TAB1: variants seen among roughly 807,000 people sequenced by gnomAD.
TAB1 encodes TGF-beta-activated kinase 1 and MAP3K7-binding protein 1.
In TAB1, 30 loss-of-function variants were observed where a neutral mutation model predicts 54.5. The ratio of observed to expected loss-of-function variants is 0.55; its 90% CI spans 0.41 to 0.75. The LOEUF (loss-of-function observed/expected upper bound fraction) is 0.75. Ranked by LOEUF, TAB1 falls within the 30% of genes least tolerant of loss-of-function variation. The pLI is 0.00. For synonymous variants in TAB1, 289 were observed against 286.9 expected, an observed-to-expected ratio of 1.01 and a Z score of -0.07; for missense variants, 609 against 683.2, an observed-to-expected ratio of 0.89 and a Z score of 1.21.
downstream of TAB1, chr22:39,432,947 G>A (rs1207741825): frequency 4.1e-6 from 4 of 985,328 alleles, no homozygotes; most frequent in Non-Finnish European, 4.8e-6. Context: ...TCAAGGTAAG[G>A]AAAGTGAATG....
chr22:39,414,538 C>T (rs1484851048), intron 1 of TAB1, among the ~76,000 whole-genome samples: 1 of 151,806 alleles, frequency 6.6e-6, no homozygotes, highest in Non-Finnish European at 1.5e-5. Context: ...GGGGAGCGGC[C>T]TGCACTGCAG....
At chr22:39,402,794 C>T (rs561624810) in intron 1 of TAB1, among the ~76,000 whole-genome samples, 10 of 152,264 alleles carry the variant, frequency 6.6e-5, no homozygotes, top group South Asian at 6.2e-4. Flanking sequence ...TCAAGCAATC[C>T]GCCTGCCTGG....
In TAB1 at chr22:39,430,466, T is replaced by G. The variant is rs1927539122; in HGVS notation, c.*244T>G. 7.2e-7 allele frequency: 1 copy of G among 1,395,552 alleles called. No homozygotes were observed. The highest frequency in any genetic ancestry group is 9.3e-7 in the Non-Finnish European group (1 of 1,073,570). The allele number at this position is 1,395,552 out of a possible 1,614,324, so 86.4% of individuals were successfully genotyped here. A position where few individuals can be genotyped will look rare whatever the true frequency, so the allele number is the denominator to read the frequency against. On this transcript the variant is annotated 3_prime_UTR_variant, in exon 11 of 11. Transcript: ENST00000216160. ...TCCCAGATGGCCTCAGCCAGGACCA[T>G]CGCCCTTTCTCAGAGCAGAGGGCCA... is the stretch of plus-strand genomic sequence containing the variant.
intron 8 of TAB1, among the ~76,000 whole-genome samples, chr22:39,425,257 G>A (rs556033292): frequency 1.4e-3 from 209 of 151,822 alleles, no homozygotes; most frequent in African/African-American, 4.8e-3. Flanking sequence ...AGTGACGCAC[G>A]CCTGTAATCC....
In TAB1 at chr22:39,415,187, G is replaced by T; in HGVS notation, c.170+45G>T. On this transcript the variant is annotated intron_variant, in intron 2 of 10. Transcript: ENST00000216160. This position sits in a 1 kb window ranked among gnomAD's most constrained non-coding sequence, Gnocchi z 4.9. ...TGTGTTGGGCCCGGGGAGTTGGTTG[G>T]TTTGCAAGCAAGGAAAGACACCGAC... 6.5e-7 allele frequency: 1 copy of T among 1,533,380 alleles called. No individual in the cohort carries two copies. The highest frequency in any genetic ancestry group is 8.8e-7 in the Non-Finnish European group (1 of 1,137,808). 95.0% of individuals were successfully genotyped at this position (1,533,380 alleles called of 1,614,324 possible).
At chr22:39,404,875 G>A (rs1324680132) in intron 1 of TAB1, among the ~76,000 whole-genome samples, 1 of 152,146 alleles carries the variant, frequency 6.6e-6, no homozygotes, top group African/African-American at 2.4e-5. Flanking sequence ...AGAAGTGGGG[G>A]CCAGGAGTGG....
intron 9 of TAB1, among the ~76,000 whole-genome samples, 180 bp from the exon 10 acceptor site, chr22:39,427,841 A>G (rs1268278705): frequency 2.0e-5 from 3 of 151,868 alleles, no homozygotes; most frequent in Non-Finnish European, 4.4e-5. Context: ...GACAAGGGAC[A>G]CTCCTCCTGA....
chr22:39,433,968 C>T (rs5750823), downstream of TAB1: 209,912 of 296,146 alleles, frequency 0.71, 75,489 homozygotes, highest in East Asian at 0.95. Flanking sequence ...GCCTGCTCCA[C>T]GGGAGCAAGG....
intron 6 of TAB1, among the ~76,000 whole-genome samples, 187 bp downstream of exon 6, chr22:39,419,032 T>C (rs527324971): frequency 3.9e-5 from 6 of 152,316 alleles, no homozygotes. Flanking sequence ...TTTCTGTGCC[T>C]CAGATCCCCC....
rs1476575278 is a variant in TAB1, at chr22:39,415,562, A to C, written c.233A>C (p.Asn78Thr). Residue 78 changes from asparagine to threonine, a missense_variant, in exon 3 of 11, where the codon AAC (asparagine) becomes ACC (threonine). Asn to Thr is a moderately conservative substitution (Grantham distance 65, BLOSUM62 0). Coordinates refer to ENST00000216160, the MANE Select transcript of TAB1 (RefSeq NM_006116.3). This position sits in a 1 kb window ranked among gnomAD's most constrained non-coding sequence, Gnocchi z 4.9. The part of the protein sequence containing the change: ...FNGYDGNRVT[N>T]FVAQRLSAEL... The stretch of plus-strand genomic sequence containing the variant: ...GGCTATGATGGCAACCGAGTGACCA[A>C]CTTCGTGGCCCAGCGGCTGTCCGCA... 5 of 1,614,168 alleles carry C rather than the reference A, an allele frequency of 3.1e-6. No homozygotes were observed. Among genetic ancestry groups the C allele is most frequent in the Non-Finnish European group, 4.2e-6 (5 of 1,180,026 alleles).
At chr22:39,422,065 G>A in intron 8 of TAB1, 94 bp downstream of exon 8, 1 of 1,192,850 alleles carries the variant, frequency 8.4e-7, no homozygotes. Context: ...GATTCTCGGA[G>A]GCCGTCACCA....
chr22:39,413,873 A>G (rs1253071319), intron 1 of TAB1, among the ~76,000 whole-genome samples: 1 of 152,174 alleles, frequency 6.6e-6, no homozygotes, highest in African/African-American at 2.4e-5. Flanking sequence ...GCTTTCAGGG[A>G]GAGGCAGGGA....
chr22:39,432,597 C>A, downstream of TAB1: 1 of 291,208 alleles, frequency 3.4e-6, no homozygotes. Flanking sequence ...TGAGGACCAC[C>A]ATGGCCCCTG....
At chr22:39,436,990 A>G (rs1430833434), downstream of TAB1, 1 of 169,184 alleles carries the variant, frequency 5.9e-6, no homozygotes, top group Non-Finnish European at 1.3e-5. Context: ...GTGGCCCGAG[A>G]TGTGGGTGGC....
At chr22:39,420,775 C>CTCTGTGTGTG (rs1555950643) in intron 7 of TAB1, among the ~76,000 whole-genome samples, 21 of 71,812 alleles carry the variant, frequency 2.9e-4, no homozygotes, top group African/African-American at 1.0e-3. Flanking sequence ...CACGGTGTCT[C>CTCTGTGTGTG]TGTGTGTGTG....
At position 39,420,882 on chromosome 22, in the gene TAB1, CTGTGTGTGTGTGTGTGTGTGTGTGTG is replaced by C. The variant is rs3043618; in HGVS notation, c.777-925_777-900del. Among the ~76,000 whole-genome samples, 6 of 14,388 alleles carry C rather than the reference CTGTGTGTGTGTGTGTGTGTGTGTGTG, an allele frequency of 4.2e-4. 1 individual carries two copies. In the South Asian group the frequency reaches 0.015, roughly 36 times the overall value. The allele number at this position is 14,388 out of a possible 152,430, so 9.4% of individuals were successfully genotyped here. On this transcript the variant is annotated intron_variant, in intron 7 of 10. Transcript: ENST00000216160. ...CACCCAGGTGCTGGGGTGTCTCTCT[CTGTGTGTGTGTGTGTGTGTGTGTGTG>C]TGTGTGTGTGTGTGTGTGTTTGTCC...
chr22:39,409,746 C>T lies in TAB1; in HGVS notation c.34-5260C>T, dbSNP rs35676238. 2.3e-3 allele frequency among the ~76,000 whole-genome samples: 348 copies of T among 152,288 alleles called. 2 individuals are homozygous for T. The highest frequency in any genetic ancestry group is 7.2e-3 in the African/African-American group (300 of 41,548). On this transcript the variant is annotated intron_variant, in intron 1 of 10. Coordinates refer to ENST00000216160, the MANE Select transcript of TAB1 (RefSeq NM_006116.3). ...ATCTAGAGGCCCCCACCGCCCATCACGCTGTGTCCCATTACCATGGTGTGT... is the reference window on the plus strand; with the variant it reads ...ATCTAGAGGCCCCCACCGCCCATCATGCTGTGTCCCATTACCATGGTGTGT...
chr22:39,405,750 A>G (rs976816539), intron 1 of TAB1, among the ~76,000 whole-genome samples: 1 of 152,226 alleles, frequency 6.6e-6, no homozygotes, highest in Admixed American at 6.5e-5. Context: ...GACGCTCGGT[A>G]TGGCTAATCC....
chr22:39,419,650 TC>T lies in TAB1; in HGVS notation c.776+24del. On this transcript the variant is annotated intron_variant, in intron 7 of 10. Coordinates refer to ENST00000216160, the MANE Select transcript of TAB1 (RefSeq NM_006116.3). The stretch of plus-strand genomic sequence containing the variant: ...TCTCAGGTAGGTGCCAGCCCAGCTG[TC>T]CCCTGTGCTTGAAAGAACAGAAGGT... The T allele has an allele frequency of 1.3e-6, 2 of 1,553,592 alleles. No homozygotes were observed. The highest frequency in any genetic ancestry group is 1.8e-4 in the Middle Eastern group (1 of 5,646).
Sources: gnomAD v4.1 joint callset for allele counts (sites outside exome capture counted in the v4.1 genomes callset) on GRCh38, gnomAD v4.1.1 for gene constraint, Gnocchi (gnomAD v3.1) non-coding constraint, MANE v1.5 for transcripts, NCBI Gene and HGNC (gene_info 2026-07-23, HGNC 2026-07-21) for gene names.